Variants in GLCCI1 observed in about 807,000 individuals in gnomAD.
The protein encoded by GLCCI1 is glucocorticoid induced 1, also known as glucocorticoid-induced transcript 1 protein.
GLCCI1 carries 24 observed loss-of-function variants against 52.2 expected under a neutral mutation model. The ratio of observed to expected loss-of-function variants is 0.46; its 90% CI spans 0.33 to 0.65. The LOEUF (loss-of-function observed/expected upper bound fraction) is 0.65, where lower values mean the gene tolerates loss of function less well. GLCCI1 is among the 30% of genes least tolerant of loss of function. The pLI is 0.02. For synonymous variants in GLCCI1, 310 were observed against 276.5 expected (o/e 1.12, Z -1.20); for missense variants, 704 against 701.5 (o/e 1.00, Z -0.04).
chr7:8,007,012 T>C (rs1387261163), intron 2 of GLCCI1, among the ~76,000 whole-genome samples: 3 of 152,228 alleles, frequency 2.0e-5, no homozygotes, highest in Non-Finnish European at 4.4e-5. Flanking sequence ...ACCTGGAGTA[T>C]ATTCTACAGC....
At chr7:8,047,974 A>G (rs1357393356) in intron 3 of GLCCI1, among the ~76,000 whole-genome samples, 1 of 152,084 alleles carries the variant, frequency 6.6e-6, no homozygotes, top group African/African-American at 2.4e-5. Context: ...GGGTGAAGGG[A>G]TCCCAGGGGC....
intron 1 of GLCCI1, among the ~76,000 whole-genome samples, chr7:7,990,668 A>G (rs1780822938): frequency 6.6e-6 from 1 of 152,054 alleles, no homozygotes; most frequent in Admixed American, 6.6e-5. Context: ...TGATTTCTGT[A>G]AGACATTTTC....
chr7:8,048,800 C>T (rs1388307482), intron 3 of GLCCI1, among the ~76,000 whole-genome samples: 2 of 152,028 alleles, frequency 1.3e-5, no homozygotes, highest in Non-Finnish European at 2.9e-5. Context: ...TCTCCTGGAC[C>T]CCAAGTCCCA....
intron 1 of GLCCI1, chr7:7,981,351 C>G (rs1380475201): frequency 8.4e-6 from 2 of 238,976 alleles, no homozygotes; most frequent in Non-Finnish European, 1.6e-5. Flanking sequence ...GAGATGGAGT[C>G]TCACTCTGTT....
intron 6 of GLCCI1, 44 bp from the exon 7 acceptor site, chr7:8,084,853 A>C (rs1300784364): frequency 1.9e-6 from 3 of 1,604,186 alleles, no homozygotes; most frequent in South Asian, 2.2e-5. Flanking sequence ...CAAATTTAAA[A>C]GAGCTTTCAA....
chr7:8,046,635 C>G (rs1782135199), intron 3 of GLCCI1, among the ~76,000 whole-genome samples: 1 of 152,104 alleles, frequency 6.6e-6, no homozygotes, highest in Non-Finnish European at 1.5e-5. Flanking sequence ...ACCTATAACC[C>G]AGAAGCCCCT....
intron 6 of GLCCI1, among the ~76,000 whole-genome samples, chr7:8,078,031 G>C (rs896772978): frequency 6.6e-6 from 1 of 151,690 alleles, no homozygotes; most frequent in Non-Finnish European, 1.5e-5. Flanking sequence ...TCAGGAAATC[G>C]AGACCATCCT....
At chr7:7,971,142 A>G (rs1382740882) in intron 1 of GLCCI1, among the ~76,000 whole-genome samples, 1 of 152,194 alleles carries the variant, frequency 6.6e-6, no homozygotes, top group Non-Finnish European at 1.5e-5. Flanking sequence ...GCAGCAAGAA[A>G]TACATCCTGT....
At chr7:8,018,701 T>C (rs1232412458) in intron 2 of GLCCI1, among the ~76,000 whole-genome samples, 2 of 152,138 alleles carry the variant, frequency 1.3e-5, no homozygotes, top group African/African-American at 4.8e-5. Flanking sequence ...GCTTTTTTTT[T>C]CCAACTACCT....
At chr7:8,022,627 T>G in intron 3 of GLCCI1, 58 bp downstream of exon 3, 1 of 1,041,236 alleles carries the variant, frequency 9.6e-7, no homozygotes, top group Non-Finnish European at 1.4e-6. Flanking sequence ...ATTACCTTAG[T>G]ATTTCCTGAA....
intron 2 of GLCCI1, among the ~76,000 whole-genome samples, chr7:8,007,412 G>T (rs1341090418): frequency 1.3e-5 from 2 of 152,158 alleles, no homozygotes; most frequent in African/African-American, 4.8e-5. Flanking sequence ...AGACCTGGCT[G>T]ATTCTAAAGC....
At chr7:8,076,978 T>C (rs977012225) in intron 6 of GLCCI1, among the ~76,000 whole-genome samples, 9 of 152,154 alleles carry the variant, frequency 5.9e-5, no homozygotes, top group African/African-American at 1.4e-4. Flanking sequence ...TGTGATACTC[T>C]TCATAAAAAT....
intron 1 of GLCCI1, among the ~76,000 whole-genome samples, chr7:7,996,319 A>G (rs1017147156): frequency 6.6e-6 from 1 of 152,176 alleles, no homozygotes; most frequent in African/African-American, 2.4e-5. Context: ...ATCTCCTTCT[A>G]CTAATTACTA....
Position 7,999,482 on chromosome 7 carries a change from C to T in GLCCI1, c.458-4426C>T, listed in dbSNP as rs181760901. ...AATTAGCCAGATGTGGTGGTGCACA[C>T]CTATAGTCCTAACTACTGTAGAGCT... On this transcript the variant is annotated intron_variant, in intron 1 of 7. Coordinates refer to ENST00000223145, the MANE Select transcript of GLCCI1 (RefSeq NM_138426.4). Among the ~76,000 whole-genome samples, 490 of 152,136 alleles carry T rather than the reference C, an allele frequency of 3.2e-3. 8 individuals carry two copies. Among genetic ancestry groups the T allele is most frequent in the Admixed American group, 0.028 (423 of 15,284 alleles).
Position 8,031,105 on chromosome 7 carries a change from G to A in GLCCI1, c.696+8536G>A, listed in dbSNP as rs538359967. Among the ~76,000 whole-genome samples, 12 of 152,244 alleles carry A rather than the reference G, an allele frequency of 7.9e-5. No individual in the cohort carries two copies. The East Asian group carries it at 2.3e-3, about 29-fold the overall frequency. On this transcript the variant is annotated intron_variant, in intron 3 of 7. Transcript: ENST00000223145. ...CTGCACTCCTATGTTTGTTGCAGCA[G>A]TGTTCACAATAGCCAAGATTTGGAA...
At chr7:8,038,326 AAAG>A (rs1360176879) in intron 3 of GLCCI1, among the ~76,000 whole-genome samples, 6 of 152,232 alleles carry the variant, frequency 3.9e-5, no homozygotes, top group Non-Finnish European at 8.8e-5. Context: ...TTAAGCAAAA[AAAG>A]AAGAAAAGTT....
At chr7:7,980,068 C>T (rs1009824567) in intron 1 of GLCCI1, among the ~76,000 whole-genome samples, 1 of 152,118 alleles carries the variant, frequency 6.6e-6, no homozygotes, top group Non-Finnish European at 1.5e-5. Flanking sequence ...GGGAGTGTGC[C>T]AGCACACCTG....
intron 6 of GLCCI1, among the ~76,000 whole-genome samples, chr7:8,078,280 G>A (rs1301604269): frequency 2.1e-5 from 3 of 146,174 alleles, no homozygotes; most frequent in Non-Finnish European, 4.5e-5. Flanking sequence ...AGAAAGAAAA[G>A]CCAAGGAAAG....
At chr7:8,085,650 G>C (rs1338451163) in intron 7 of GLCCI1, among the ~76,000 whole-genome samples, 1 of 152,058 alleles carries the variant, frequency 6.6e-6, no homozygotes, top group East Asian at 1.9e-4. Flanking sequence ...AGGAGCTGAT[G>C]GCTTAGCTCC....
Sources: allele counts gnomAD v4.1 joint callset (sites outside exome capture counted in the v4.1 genomes callset), GRCh38; gene constraint gnomAD v4.1.1; transcripts MANE v1.5; gene names NCBI Gene and HGNC (gene_info 2026-07-23, HGNC 2026-07-21).